The following EDIL3 variants were observed in gnomAD, a reference collection of about 807,000 sequenced individuals.
EDIL3 encodes the protein EGF like and discoidin domains 3.
EDIL3 carries 37 observed loss-of-function variants against 67.4 expected under a neutral mutation model. The observed-to-expected ratio is 0.55, with a 90% confidence interval of 0.42 to 0.72. The LOEUF (loss-of-function observed/expected upper bound fraction) is 0.72. Ranked by LOEUF, EDIL3 falls within the 30% of genes least tolerant of loss-of-function variation. The pLI is 0.00. For missense variants in EDIL3, 527 were observed against 586.3 expected, an observed-to-expected ratio of 0.90 and a Z score of 1.04; for synonymous variants, 195 against 196.3, an observed-to-expected ratio of 0.99 and a Z score of 0.05.
At chr5:84,369,743 T>G (rs1317532510) in intron 1 of EDIL3, among the ~76,000 whole-genome samples, 1 of 152,196 alleles carries the variant, frequency 6.6e-6, no homozygotes, top group Admixed American at 6.6e-5. Context: ...ATTGACATAG[T>G]AAATTTCATG....
At chr5:84,040,482 T>TTA (rs1458297147) in intron 9 of EDIL3, among the ~76,000 whole-genome samples, 2 of 149,196 alleles carry the variant, frequency 1.3e-5, no homozygotes, top group African/African-American at 2.4e-5. Flanking sequence ...CATAATTTAA[T>TTA]TATATATATA....
intron 9 of EDIL3, among the ~76,000 whole-genome samples, chr5:83,965,221 A>G (rs1744669297): frequency 6.6e-6 from 1 of 152,090 alleles, no homozygotes; most frequent in East Asian, 1.9e-4. Flanking sequence ...AAATTTCTAA[A>G]GCATCACCAC....
intron 4 of EDIL3, among the ~76,000 whole-genome samples, chr5:84,151,011 T>G (rs1466754824): frequency 6.6e-6 from 1 of 152,018 alleles, no homozygotes; most frequent in African/African-American, 2.4e-5. Context: ...GGGATGAAGT[T>G]GAAGGGGCAG....
chr5:84,061,571 C>G (rs965990246), intron 8 of EDIL3, among the ~76,000 whole-genome samples: 1 of 152,154 alleles, frequency 6.6e-6, no homozygotes, highest in Non-Finnish European at 1.5e-5. Flanking sequence ...TCCTCACACT[C>G]TACTGTCTCC....
chr5:83,967,089 G>A lies in EDIL3; in HGVS notation c.1138-3729C>T, dbSNP rs150495911. Among the ~76,000 whole-genome samples, 1,112 of 152,152 alleles carry A rather than the reference G, an allele frequency of 7.3e-3. 15 individuals are homozygous for A. The highest frequency in any genetic ancestry group is 0.025 in the African/African-American group (1,040 of 41,540). ...TGTAATCCCAGCACTTTGGGAGGCC[G>A]AGAGGCAGATGGTTTGAGCTTAGGA... On this transcript the variant is annotated intron_variant, in intron 9 of 10. Transcript: ENST00000296591.
intron 1 of EDIL3, among the ~76,000 whole-genome samples, chr5:84,319,975 G>T (rs1727772025): frequency 6.6e-6 from 1 of 152,042 alleles, no homozygotes; most frequent in South Asian, 2.1e-4. Flanking sequence ...CACAGGGAGG[G>T]GAACATCACA....
At chr5:84,006,958 G>T (rs537210970) in intron 9 of EDIL3, among the ~76,000 whole-genome samples, 12 of 152,040 alleles carry the variant, frequency 7.9e-5, no homozygotes, top group African/African-American at 2.9e-4. Context: ...CAATAGAATA[G>T]AATAGAGAAC....
chr5:84,195,875 T>C (rs532492058), intron 3 of EDIL3, among the ~76,000 whole-genome samples: 3 of 152,110 alleles, frequency 2.0e-5, no homozygotes, highest in South Asian at 4.1e-4. Flanking sequence ...TTGATCTATA[T>C]GCTAGAGGGG....
intron 9 of EDIL3, among the ~76,000 whole-genome samples, chr5:83,966,292 T>C (rs1022807271): frequency 1.3e-5 from 2 of 152,124 alleles, no homozygotes; most frequent in Non-Finnish European, 2.9e-5. Flanking sequence ...ATGTGTCTTA[T>C]ATATAACAGG....
At chr5:84,289,260 A>T (rs1745868737) in intron 1 of EDIL3, among the ~76,000 whole-genome samples, 1 of 152,178 alleles carries the variant, frequency 6.6e-6, no homozygotes, top group South Asian at 2.1e-4. Context: ...AAATAAACTT[A>T]CTTAAACTCA....
chr5:84,279,427 C>A (rs1371147413), intron 1 of EDIL3, among the ~76,000 whole-genome samples: 14 of 152,144 alleles, frequency 9.2e-5, no homozygotes, highest in Non-Finnish European at 1.5e-5. Context: ...TCTACATATA[C>A]ATTTTTGGTT....
chr5:84,016,556 G>T (rs1005873238), intron 9 of EDIL3, among the ~76,000 whole-genome samples: 4 of 152,080 alleles, frequency 2.6e-5, no homozygotes, highest in Non-Finnish European at 4.4e-5. Context: ...GTGCTGATAT[G>T]ATGTGGAAAA....
chr5:84,036,787 A>ATT, intron 9 of EDIL3, among the ~76,000 whole-genome samples: 1 of 152,216 alleles, frequency 6.6e-6, no homozygotes, highest in East Asian at 1.9e-4. Context: ...ATTAAACTGC[A>ATT]TTTTTCTCTT....
In EDIL3 at chr5:84,049,560, T is replaced by C. The variant is rs547732593; in HGVS notation, c.1137+10740A>G. Reference sequence around the variant, plus strand: ...TGTTACTTTATTTTTATAACAAAGATTAATATCTATCCTAACCATGAGTTA... The same window carrying C: ...TGTTACTTTATTTTTATAACAAAGACTAATATCTATCCTAACCATGAGTTA... On this transcript the variant is annotated intron_variant, in intron 9 of 10. Transcript: ENST00000296591. 2.4e-4 allele frequency among the ~76,000 whole-genome samples: 36 copies of C among 152,308 alleles called. No individual in the cohort carries two copies. The South Asian group carries it at 7.0e-3, about 30-fold the overall frequency.
At chr5:84,159,103 C>A (rs1029569595) in intron 4 of EDIL3, among the ~76,000 whole-genome samples, 1 of 152,018 alleles carries the variant, frequency 6.6e-6, no homozygotes, top group African/African-American at 2.4e-5. Flanking sequence ...CAAGTGGAAA[C>A]GTTTTAGCCA....
intron 1 of EDIL3, among the ~76,000 whole-genome samples, chr5:84,382,223 A>G (rs146040939): frequency 1.3e-5 from 2 of 152,334 alleles, no homozygotes; most frequent in African/African-American, 4.8e-5. Flanking sequence ...AAGAATATGG[A>G]GCATCCAGCT....
intron 6 of EDIL3, among the ~76,000 whole-genome samples, chr5:84,097,808 T>C (rs1747291093): frequency 6.6e-6 from 1 of 151,894 alleles, no homozygotes; most frequent in African/African-American, 2.4e-5. Flanking sequence ...CAAATAGCTA[T>C]AAAAGAAAAG....
chr5:84,039,903 C>A (rs1746088852), intron 9 of EDIL3, among the ~76,000 whole-genome samples: 1 of 151,994 alleles, frequency 6.6e-6, no homozygotes, highest in Non-Finnish European at 1.5e-5. Context: ...ATCTGGTAGT[C>A]TTAAAGCAAA....
intron 1 of EDIL3, among the ~76,000 whole-genome samples, chr5:84,302,920 C>T (rs1377959419): frequency 6.6e-6 from 1 of 152,142 alleles, no homozygotes; most frequent in Non-Finnish European, 1.5e-5. Context: ...TTTGCATTGT[C>T]TTCATGATGC....
Sources: gnomAD v4.1 joint callset for allele counts (sites outside exome capture counted in the v4.1 genomes callset) on GRCh38, gnomAD v4.1.1 for gene constraint, MANE v1.5 for transcripts, NCBI Gene and HGNC (gene_info 2026-07-23, HGNC 2026-07-21) for gene names.